The following JAM2 variants were observed in gnomAD, a reference collection of about 807,000 sequenced individuals.
JAM2 encodes the protein junctional adhesion molecule 2, also known as junctional adhesion molecule B.
A neutral mutation model predicts 42.0 loss-of-function variants in JAM2; 17 were observed. That is an observed-to-expected ratio of 0.40 (90% CI 0.28 to 0.61). The LOEUF is 0.61. JAM2 is among the 20% of genes least tolerant of loss of function. The probability of loss-of-function intolerance (pLI) is 0.37; values close to 1 mark genes in which losing one functional copy is unlikely to be tolerated. For synonymous variants in JAM2, 118 were observed against 128.6 expected (o/e 0.92, Z 0.56); for missense variants, 319 against 358.3 (o/e 0.89, Z 0.89).
chr21:25,664,221 T>A (rs1389609285), intron 1 of JAM2, among the ~76,000 whole-genome samples: 1 of 152,018 alleles, frequency 6.6e-6, no homozygotes, highest in African/African-American at 2.4e-5. Context: ...CTTTATTTAT[T>A]TATTTTTTAT....
At chr21:25,675,065 T>C (rs56358291) in intron 1 of JAM2, among the ~76,000 whole-genome samples, 16,261 of 152,032 alleles carry the variant, frequency 0.11, 1,106 homozygotes, top group Non-Finnish European at 0.15. Flanking sequence ...ACAGGAAGCA[T>C]AGTGGCTTCT....
chr21:25,641,409 C>T (rs1236794250), intron 1 of JAM2, among the ~76,000 whole-genome samples: 2 of 152,080 alleles, frequency 1.3e-5, no homozygotes, highest in Non-Finnish European at 2.9e-5. Flanking sequence ...AACCAAGAGG[C>T]GAACAAAAGC....
intron 1 of JAM2, among the ~76,000 whole-genome samples, chr21:25,683,608 G>A (rs1360801836): frequency 1.3e-5 from 2 of 152,186 alleles, no homozygotes; most frequent in East Asian, 1.9e-4. Context: ...TTCAATGATC[G>A]GGCTGGCAGG....
At chr21:25,687,512 A>G (rs1435016658) in intron 2 of JAM2, among the ~76,000 whole-genome samples, 2 of 152,174 alleles carry the variant, frequency 1.3e-5, no homozygotes, top group Non-Finnish European at 2.9e-5. Flanking sequence ...AATTCATGAG[A>G]GTTAGGTTGT....
In JAM2 at chr21:25,708,708, ACT is replaced by A. The variant is rs748410596; in HGVS notation, c.806-723_806-722del. ...AGTGAAAGTACAGACAAATAAGATAACTCTTCCAAAACTCTTGTCATCTTTAT... is the reference window on the plus strand; with the variant it reads ...AGTGAAAGTACAGACAAATAAGATAACTTCCAAAACTCTTGTCATCTTTAT... On this transcript the variant is annotated intron_variant, in intron 7 of 9. Transcript: ENST00000480456. Among the ~76,000 whole-genome samples, 6 of 151,768 alleles carry A rather than the reference ACT, an allele frequency of 4.0e-5. No homozygotes were observed. The South Asian group carries it at 6.2e-4, about 16-fold the overall frequency.
At chr21:25,692,383 C>A in intron 3 of JAM2, 1 of 194,120 alleles carries the variant, frequency 5.2e-6, no homozygotes, top group Admixed American at 4.7e-5. Flanking sequence ...AGAAGTTAGA[C>A]ACAATCACTG....
At chr21:25,692,840 G>A (rs1444501227) in intron 3 of JAM2, among the ~76,000 whole-genome samples, 2 of 152,008 alleles carry the variant, frequency 1.3e-5, no homozygotes, top group Non-Finnish European at 2.9e-5. Context: ...TTTTCACATG[G>A]CCTTATGTCT....
At chr21:25,649,392 G>A (rs77456445) in intron 1 of JAM2, among the ~76,000 whole-genome samples, 12,444 of 152,134 alleles carry the variant, frequency 0.082, 871 homozygotes, top group African/African-American at 0.19. Context: ...CAGAAGTGCC[G>A]AGCAAAAGCG....
chr21:25,711,510 T>A, intron 8 of JAM2: 1 of 417,012 alleles, frequency 2.4e-6, no homozygotes, highest in South Asian at 1.8e-5. Flanking sequence ...CTTTGAAGAA[T>A]CATCTGCCAT....
rs746624272 is a variant in JAM2 at position 25,715,978 on chromosome 21, C to CT, written c.*1308dup. ...GACAACTATGAACATGATGGTTAAT[C>CT]TTCTTTCTTTTTTTTTTTTTTTTTT... On this transcript the variant is annotated 3_prime_UTR_variant, in exon 10 of 10. Transcript: ENST00000480456. The CT allele has an allele frequency of 7.4e-6, 1 of 135,310 alleles. No homozygotes were observed. Among genetic ancestry groups the CT allele is most frequent in the Non-Finnish European group, 1.6e-5 (1 of 64,320 alleles). The allele number at this position is 135,310 out of a possible 1,614,324, so 8.4% of individuals were successfully genotyped here. A position where few individuals can be genotyped will look rare whatever the true frequency, so the allele number is the denominator to read the frequency against.
intron 1 of JAM2, among the ~76,000 whole-genome samples, chr21:25,654,137 A>C (rs1458926440): frequency 6.6e-6 from 1 of 152,194 alleles, no homozygotes; most frequent in Non-Finnish European, 1.5e-5. Context: ...TTAACTTAGA[A>C]GGAAAAGTTC....
At position 25,662,390 on chromosome 21, in the gene JAM2, T is replaced by G. The variant is rs764860740; in HGVS notation, c.68-21493T>G. ...CTCTTGAAGCCCTGGGCTCAAACAGTCCTCCAGCCTCAGCCTCCCAGAGTG... is the reference window on the plus strand; with the variant it reads ...CTCTTGAAGCCCTGGGCTCAAACAGGCCTCCAGCCTCAGCCTCCCAGAGTG... On this transcript the variant is annotated intron_variant, in intron 1 of 9. Coordinates refer to ENST00000480456, the MANE Select transcript of JAM2 (RefSeq NM_021219.4). Among the ~76,000 whole-genome samples the G allele has an allele frequency of 8.6e-4, 131 of 152,068 alleles. 1 individual carries two copies. The highest frequency in any genetic ancestry group is 2.0e-3 in the Admixed American group (30 of 15,260).
chr21:25,639,629 T>C lies in JAM2; in HGVS notation c.-193T>C, dbSNP rs1158101196. ...CCATCCCTGGGCTGGAGGACCCGCC[T>C]CTTGGCAGCCAGCTGAGAAGGCGCC... On this transcript the variant is annotated 5_prime_UTR_variant, in exon 1 of 10. Transcript: ENST00000480456. The C allele has an allele frequency of 1.2e-5, 6 of 512,832 alleles. No individual in the cohort carries two copies. The highest frequency in any genetic ancestry group is 1.0e-4 in the African/African-American group (5 of 48,192). The allele number at this position is 512,832 out of a possible 1,614,324, so 31.8% of individuals were successfully genotyped here.
At chr21:25,655,323 G>A in intron 1 of JAM2, among the ~76,000 whole-genome samples, 1 of 143,118 alleles carries the variant, frequency 7.0e-6, no homozygotes, top group East Asian at 2.1e-4. Context: ...AAAAAAGATA[G>A]TAACATGATA....
intron 1 of JAM2, among the ~76,000 whole-genome samples, chr21:25,659,254 C>CT (rs11345118): frequency 1.0e-3 from 151 of 144,254 alleles, no homozygotes; most frequent in South Asian, 8.7e-4. Flanking sequence ...ATTTTCTAGC[C>CT]TTTTTTTTTT....
chr21:25,692,446 G>C (rs1396507445), intron 3 of JAM2: 2 of 202,046 alleles, frequency 9.9e-6, no homozygotes, highest in African/African-American at 2.3e-5. Context: ...ACAGGTCAGA[G>C]TTGTATTGCC....
chr21:25,648,446 G>A (rs2032675449), intron 1 of JAM2, among the ~76,000 whole-genome samples: 1 of 136,712 alleles, frequency 7.3e-6, no homozygotes, highest in African/African-American at 3.2e-5. Flanking sequence ...TTTGTGCCGT[G>A]TGTTTGTGTG....
At chr21:25,687,526 T>C (rs2033776208) in intron 2 of JAM2, among the ~76,000 whole-genome samples, 1 of 152,170 alleles carries the variant, frequency 6.6e-6, no homozygotes, top group African/African-American at 2.4e-5. Flanking sequence ...AGGTTGTAAG[T>C]TCATTTACTT....
Position 25,696,773 on chromosome 21 carries a change from G to A in JAM2, c.395-1904G>A, listed in dbSNP as rs2123395108. 2.6e-5 allele frequency among the ~76,000 whole-genome samples: 4 copies of A among 152,238 alleles called. No individual in the cohort carries two copies. In the South Asian group the frequency reaches 8.3e-4, roughly 32 times the overall value. Reference sequence around the variant, plus strand: ...GGTCTCTGTTCCATGCTGGCTATCAGTTCGTGGGCCACACTCAACTCCTAG... The same window carrying A: ...GGTCTCTGTTCCATGCTGGCTATCAATTCGTGGGCCACACTCAACTCCTAG... On this transcript the variant is annotated intron_variant, in intron 4 of 9. Coordinates refer to ENST00000480456, the MANE Select transcript of JAM2 (RefSeq NM_021219.4).
Sources: gnomAD v4.1 joint callset for allele counts (sites outside exome capture counted in the v4.1 genomes callset) on GRCh38, gnomAD v4.1.1 for gene constraint, MANE v1.5 for transcripts, NCBI Gene and HGNC (gene_info 2026-07-23, HGNC 2026-07-21) for gene names.